The following RBM25 variants were observed in gnomAD, a reference collection of about 807,000 sequenced individuals.
The protein encoded by RBM25 is RNA-binding protein 25.
In RBM25, 19 loss-of-function variants were observed where a neutral mutation model predicts 120.7. The ratio of observed to expected loss-of-function variants is 0.16; its 90% CI spans 0.11 to 0.23. RBM25 has a LOEUF of 0.23. Ranked by LOEUF, RBM25 falls within the 10% of genes least tolerant of loss-of-function variation. RBM25 has a pLI of 1.00. For missense variants in RBM25, 605 were observed against 1,041.5 expected (o/e 0.58, Z 5.77); for synonymous variants, 390 against 326.7 (o/e 1.19, Z -2.09).
intron 1 of RBM25, among the ~76,000 whole-genome samples, chr14:73,067,430 G>A (rs1323368842): frequency 6.6e-6 from 1 of 151,780 alleles, no homozygotes; most frequent in African/African-American, 2.4e-5. Flanking sequence ...TATTTTTGAG[G>A]CAGTCTTGCT....
At chr14:73,109,546 C>T (rs1424562211) in intron 14 of RBM25, 54 bp downstream of exon 14, 3 of 1,546,780 alleles carry the variant, frequency 1.9e-6, no homozygotes, top group Non-Finnish European at 2.6e-6. Context: ...GTAATCCCAG[C>T]TCTTTGGGAG....
chr14:73,123,625 A>G lies in RBM25; in HGVS notation c.*3820A>G, dbSNP rs976434727. The G allele has an allele frequency of 6.6e-6, 1 of 152,224 alleles. No homozygotes were observed. The highest frequency in any genetic ancestry group is 1.5e-5 in the Non-Finnish European group (1 of 68,038). The allele number at this position is 152,224 out of a possible 1,614,324, so 9.4% of individuals were successfully genotyped here. Reference sequence around the variant, plus strand: ...CATACCAAACCCAGGAGCTACTAATATAACAATCATACTATAGAGCGAAGT... The same window carrying G: ...CATACCAAACCCAGGAGCTACTAATGTAACAATCATACTATAGAGCGAAGT... On this transcript the variant is annotated 3_prime_UTR_variant, in exon 19 of 19. Transcript: ENST00000261973.
chr14:73,111,294 C>A (rs1411004880), intron 15 of RBM25, 139 bp downstream of exon 15: 2 of 869,604 alleles, frequency 2.3e-6, no homozygotes, highest in Non-Finnish European at 3.4e-6. Context: ...TTCTAGCTCA[C>A]GATTGTTTTC....
At chr14:73,068,733 C>T (rs888801981) in intron 1 of RBM25, 1 of 283,152 alleles carries the variant, frequency 3.5e-6, no homozygotes, top group Non-Finnish European at 7.0e-6. Context: ...GCAGCCACCC[C>T]CTCTCCTAAT....
Position 73,111,032 on chromosome 14 carries a change from A to G in RBM25, c.1894A>G (p.Asn632Asp). 1 of 1,614,196 alleles carries G rather than the reference A, an allele frequency of 6.2e-7. No homozygotes were observed. Among genetic ancestry groups the G allele is most frequent in the Non-Finnish European group, 8.5e-7 (1 of 1,180,022 alleles). ...TCCATCTGTTTCCTCTGCCAGTGGCAATGCAACACCTAACACTCCTGGGGA... is the reference window on the plus strand; with the variant it reads ...TCCATCTGTTTCCTCTGCCAGTGGCGATGCAACACCTAACACTCCTGGGGA... ...SAPSVSSASG[N>D]ATPNTPGDES... Residue 632 changes from asparagine (N) to aspartate (D), a missense_variant, in exon 15 of 19, where the codon AAT (asparagine) becomes GAT (aspartate). Asn to Asp is a conservative substitution (Grantham distance 23). Transcript: ENST00000261973.
intron 1 of RBM25, among the ~76,000 whole-genome samples, chr14:73,062,383 T>C (rs1256633535): frequency 6.6e-6 from 1 of 151,348 alleles, no homozygotes; most frequent in Non-Finnish European, 1.5e-5. Flanking sequence ...ATGAGTGAGT[T>C]GTATGTGAAT....
chr14:73,089,222 AAAAAACTCAC>A (rs1432749964), intron 6 of RBM25, among the ~76,000 whole-genome samples: 1 of 152,138 alleles, frequency 6.6e-6, no homozygotes, highest in East Asian at 1.9e-4. Context: ...AACCAAACCC[AAAAAACTCAC>A]AAAATGAAGC....
At chr14:73,085,990 A>G (rs1170542485) in intron 5 of RBM25, among the ~76,000 whole-genome samples, 1 of 151,852 alleles carries the variant, frequency 6.6e-6, no homozygotes, top group Middle Eastern at 3.4e-3. Context: ...AGTGGTTTTG[A>G]CATGACCCTG....
chr14:73,092,433 G>T (rs1008581903), intron 6 of RBM25, among the ~76,000 whole-genome samples: 1 of 152,034 alleles, frequency 6.6e-6, no homozygotes, highest in African/African-American at 2.4e-5. Context: ...AAAACCCTTT[G>T]TGTTGCTTTA....
intron 6 of RBM25, 188 bp downstream of exon 6, chr14:73,088,349 CTGTT>C (rs1339620933): frequency 1.3e-6 from 1 of 784,736 alleles, no homozygotes; most frequent in Non-Finnish European, 2.1e-6. Flanking sequence ...GGGTGGATGA[CTGTT>C]GGTTTGCTTG....
At chr14:73,065,593 T>G (rs983006361) in intron 1 of RBM25, among the ~76,000 whole-genome samples, 36 of 151,882 alleles carry the variant, frequency 2.4e-4, no homozygotes, top group Non-Finnish European at 5.0e-4. Context: ...CCTGGATAAC[T>G]TTTTGTATTA....
rs1316229155 is a variant in RBM25, at chr14:73,121,319, G to A, written c.*1514G>A. ...TTAAAAATGTATATATTTGATCCTG[G>A]GGACTCATATTCTTTCAGAATCATG... On this transcript the variant is annotated 3_prime_UTR_variant, in exon 19 of 19. Transcript: ENST00000261973. The A allele has an allele frequency of 6.6e-6, 1 of 152,204 alleles. No individual in the cohort carries two copies. Among genetic ancestry groups the A allele is most frequent in the Non-Finnish European group, 1.5e-5 (1 of 67,964 alleles). The allele number at this position is 152,204 out of a possible 1,614,324, so 9.4% of individuals were successfully genotyped here.
chr14:73,112,771 G>GT (rs947686016), intron 17 of RBM25, among the ~76,000 whole-genome samples: 2 of 151,494 alleles, frequency 1.3e-5, no homozygotes, highest in African/African-American at 4.9e-5. Flanking sequence ...TGTTAGTTTT[G>GT]TTTGTTTTGT....
Position 73,089,832 on chromosome 14 carries a change from A to G in RBM25, c.543+1671A>G, listed in dbSNP as rs1217838922. Among the ~76,000 whole-genome samples the G allele has an allele frequency of 2.0e-5, 3 of 150,228 alleles. No homozygotes were observed. The South Asian group carries it at 6.3e-4, about 32-fold the overall frequency. On this transcript the variant is annotated intron_variant, in intron 6 of 18. Transcript: ENST00000261973. ...CAGGTGTCCGCCACCAGGCTCGGCT[A>G]CTTTTTGTATTTTCACTATGTAAGT... is the stretch of plus-strand genomic sequence containing the variant.
In RBM25 at chr14:73,122,305, T is replaced by C. The variant is rs1896552438; in HGVS notation, c.*2500T>C. The C allele has an allele frequency of 6.6e-6, 1 of 151,466 alleles. No homozygotes were observed. 9.4% of individuals were successfully genotyped at this position (151,466 alleles called of 1,614,324 possible). A position where few individuals can be genotyped will look rare whatever the true frequency, so the allele number is the denominator to read the frequency against. ...TTTTTTTTTTTTTGAGAGGAAGTTG[T>C]GCTTTTGTCGCCCAGGATGGAGTGC... is the stretch of plus-strand genomic sequence containing the variant. On this transcript the variant is annotated 3_prime_UTR_variant, in exon 19 of 19. Coordinates refer to ENST00000261973, the MANE Select transcript of RBM25 (RefSeq NM_021239.3).
chr14:73,111,189 T>A (rs779819246), intron 15 of RBM25, 34 bp downstream of exon 15: 1 of 1,528,052 alleles, frequency 6.5e-7, no homozygotes, highest in South Asian at 1.1e-5. Context: ...TTTATTTTCT[T>A]CCCTTCACCC....
At chr14:73,113,792 G>A (rs1896366610) in intron 17 of RBM25, among the ~76,000 whole-genome samples, 1 of 152,182 alleles carries the variant, frequency 6.6e-6, no homozygotes, top group African/African-American at 2.4e-5. Context: ...AGAAATTGAA[G>A]TTTAAGGAGA....
chr14:73,094,248 C>T (rs1426095158), intron 6 of RBM25, among the ~76,000 whole-genome samples: 1 of 151,098 alleles, frequency 6.6e-6, no homozygotes, highest in Non-Finnish European at 1.5e-5. Context: ...CCACTGCATC[C>T]GGCCTAGGTT....
chr14:73,082,585 G>A (rs1291057645), intron 4 of RBM25, among the ~76,000 whole-genome samples: 4 of 152,162 alleles, frequency 2.6e-5, no homozygotes, highest in Admixed American at 6.6e-5. Context: ...GCTACACCTC[G>A]CTGCTTTTAT....
Sources: allele counts gnomAD v4.1 joint callset (sites outside exome capture counted in the v4.1 genomes callset), GRCh38; gene constraint gnomAD v4.1.1; transcripts MANE v1.5; gene names NCBI Gene and HGNC (gene_info 2026-07-23, HGNC 2026-07-21).